Variants in GNAL observed in about 807,000 individuals in gnomAD.
GNAL encodes G protein subunit alpha L, also known as guanine nucleotide-binding protein G(olf) subunit alpha.
GNAL carries 18 observed loss-of-function variants against 55.1 expected under a neutral mutation model. The observed-to-expected ratio is 0.33, with a 90% CI of 0.23 to 0.48. The LOEUF (loss-of-function observed/expected upper bound fraction) is 0.48. Ranked by LOEUF, GNAL falls within the 20% of genes least tolerant of loss-of-function variation. The pLI, the probability that GNAL is intolerant of heterozygous loss-of-function variation, is 0.99. For synonymous variants in GNAL, 253 were observed against 237.0 expected (o/e 1.07, Z -0.62); for missense variants, 412 against 614.1 (o/e 0.67, Z 3.48).
chr18:11,825,729 C>CAAAA lies in GNAL; in HGVS notation c.722+731_722+734dup, dbSNP rs60460793. 7.5e-4 allele frequency among the ~76,000 whole-genome samples: 58 copies of CAAAA among 76,930 alleles called. 9 individuals carry two copies. The highest frequency in any genetic ancestry group is 2.0e-3 in the South Asian group (3 of 1,516). The allele number at this position is 76,930 out of a possible 152,430, so 50.5% of individuals were successfully genotyped here. The stretch of plus-strand genomic sequence containing the variant: ...CTGGGCGACAGATGAGACTCTGTCT[C>CAAAA]AAAAAAAAAAAAAAAAAAAAGGAAA... On this transcript the variant is annotated intron_variant, in intron 5 of 11. Transcript: ENST00000334049.
At chr18:11,819,436 T>G (rs73407408) in intron 4 of GNAL, among the ~76,000 whole-genome samples, 9,917 of 152,206 alleles carry the variant, frequency 0.065, 491 homozygotes, top group African/African-American at 0.13. Flanking sequence ...CTTCAAAATT[T>G]TAAAGCCTTG....
chr18:11,788,897 G>GAAAA (rs1162398867), intron 4 of GNAL, among the ~76,000 whole-genome samples: 12 of 82,514 alleles, frequency 1.5e-4, no homozygotes, highest in African/African-American at 5.3e-4. Context: ...ACTCCGTCTC[G>GAAAA]AAAAAAAAAA....
chr18:11,739,539 C>T (rs1414355899), intron 1 of GNAL, among the ~76,000 whole-genome samples: 2 of 152,274 alleles, frequency 1.3e-5, no homozygotes, highest in East Asian at 3.9e-4. Flanking sequence ...GTCGGCCCCT[C>T]TATGTGTTCT....
At chr18:11,854,713 G>A (rs149513050) in intron 5 of GNAL, among the ~76,000 whole-genome samples, 8,542 of 152,046 alleles carry the variant, frequency 0.056, 381 homozygotes, top group African/African-American at 0.12. Flanking sequence ...CCTGGGAGGC[G>A]GAGGTTGAGG....
chr18:11,724,128 T>G (rs999997367), intron 1 of GNAL, among the ~76,000 whole-genome samples: 10 of 152,216 alleles, frequency 6.6e-5, no homozygotes, highest in African/African-American at 2.4e-4. Flanking sequence ...GTTCTTGCAT[T>G]GCTGGAAAGA....
chr18:11,855,194 C>T (rs940637760), intron 5 of GNAL, among the ~76,000 whole-genome samples: 2 of 152,196 alleles, frequency 1.3e-5, no homozygotes, highest in African/African-American at 2.4e-5. Context: ...CCTGCCTCGG[C>T]CTCCCAAAGT....
intron 1 of GNAL, among the ~76,000 whole-genome samples, chr18:11,699,111 G>A (rs2031494505): frequency 1.3e-5 from 2 of 152,028 alleles, no homozygotes; most frequent in South Asian, 4.2e-4. Flanking sequence ...TCCGAATAAG[G>A]AGCCCTAGAT....
chr18:11,752,373 A>G lies in GNAL; in HGVS notation c.377-480A>G. The G allele has an allele frequency of 1.3e-6, 2 of 1,555,456 alleles. No individual in the cohort carries two copies. Among genetic ancestry groups the G allele is most frequent in the Non-Finnish European group, 1.7e-6 (2 of 1,155,092 alleles). On this transcript the variant is annotated intron_variant, in intron 1 of 11. Transcript: ENST00000334049. The surrounding 1 kb of genome is among the most constrained non-coding windows in gnomAD (Gnocchi z 4.5). ...CGTCGCAGGAGCCGCACACGTCTCC[A>G]ACTCTCTATTGCTTTTTGCGCACAT...
At chr18:11,792,615 ACT>A (rs1160627718) in intron 4 of GNAL, among the ~76,000 whole-genome samples, 5 of 152,152 alleles carry the variant, frequency 3.3e-5, no homozygotes, top group Non-Finnish European at 7.3e-5. Context: ...AAAATTACAA[ACT>A]CTTTGAGGAC....
intron 4 of GNAL, among the ~76,000 whole-genome samples, chr18:11,801,140 A>C (rs913470758): frequency 2.6e-5 from 4 of 152,220 alleles, no homozygotes; most frequent in African/African-American, 9.6e-5. Flanking sequence ...AGCATGTGTC[A>C]AGGGCAATGC....
At chr18:11,714,384 A>G (rs2031905638) in intron 1 of GNAL, among the ~76,000 whole-genome samples, 1 of 152,202 alleles carries the variant, frequency 6.6e-6, no homozygotes, top group Non-Finnish European at 1.5e-5. Context: ...AAGGGACAGT[A>G]GGTGCTGAGG....
intron 1 of GNAL, among the ~76,000 whole-genome samples, chr18:11,698,093 G>T (rs1024365924): frequency 6.6e-6 from 1 of 152,174 alleles, no homozygotes; most frequent in Non-Finnish European, 1.5e-5. Flanking sequence ...AAAAGGGCTG[G>T]AGGAAGAAGA....
At chr18:11,720,323 C>G (rs1207706313) in intron 1 of GNAL, among the ~76,000 whole-genome samples, 1 of 152,110 alleles carries the variant, frequency 6.6e-6, no homozygotes, top group African/African-American at 2.4e-5. Context: ...TAATTGTGTA[C>G]AATTTTTTGT....
intron 11 of GNAL, among the ~76,000 whole-genome samples, chr18:11,880,221 C>T (rs750091596): frequency 5.3e-5 from 8 of 151,130 alleles, no homozygotes; most frequent in Non-Finnish European, 1.0e-4. Context: ...GGCACCACTG[C>T]ACTCCAGCCT....
chr18:11,876,682 GT>G lies in GNAL; in HGVS notation c.1229del (p.Leu410Ter). The G allele has an allele frequency of 4.4e-6, 7 of 1,594,022 alleles. No homozygotes were observed. The highest frequency in any genetic ancestry group is 6.0e-6 in the Non-Finnish European group (7 of 1,161,642). On this transcript the variant is annotated frameshift_variant, in exon 11 of 12. Transcript: ENST00000334049. LOFTEE classifies it high-confidence loss of function. Reference sequence around the variant, plus strand: ...GAGCCAAGTTCTTTATCCGGGACCTGTTTTTGGTAAGCAATTTTGTTAACCT... The same window carrying G: ...GAGCCAAGTTCTTTATCCGGGACCTGTTTTGGTAAGCAATTTTGTTAACCT... ...TRAKFFIRDLFLRISTATGDG... is the reference protein window; with the variant it reads ...TRAKFFIRDLXLRISTATGDG...
intron 1 of GNAL, among the ~76,000 whole-genome samples, chr18:11,700,509 G>A (rs2031541331): frequency 6.6e-6 from 1 of 152,198 alleles, no homozygotes; most frequent in Admixed American, 6.5e-5. Flanking sequence ...CTGTTATTAG[G>A]TGTTACACCA....
chr18:11,871,030 T>C (rs2036384420), intron 9 of GNAL, among the ~76,000 whole-genome samples: 2 of 152,198 alleles, frequency 1.3e-5, no homozygotes, highest in Non-Finnish European at 2.9e-5. Context: ...TTTAAAACAC[T>C]ATGATCTCGT....
At chr18:11,788,555 A>G (rs758187821) in intron 4 of GNAL, among the ~76,000 whole-genome samples, 4 of 152,002 alleles carry the variant, frequency 2.6e-5, no homozygotes, top group Non-Finnish European at 2.9e-5. Flanking sequence ...ATTCATTAAA[A>G]CTTATTAACA....
intron 4 of GNAL, among the ~76,000 whole-genome samples, chr18:11,814,866 C>A (rs1320554349): frequency 6.6e-6 from 1 of 151,110 alleles, no homozygotes; most frequent in East Asian, 1.9e-4. Flanking sequence ...CCACTGCACT[C>A]CATCCTGGGC....
Sources: allele counts gnomAD v4.1 joint callset (sites outside exome capture counted in the v4.1 genomes callset), GRCh38; gene constraint gnomAD v4.1.1; non-coding constraint Gnocchi (gnomAD v3.1); transcripts MANE v1.5; gene names NCBI Gene and HGNC (gene_info 2026-07-23, HGNC 2026-07-21).